TYW1: variants seen among roughly 807,000 people sequenced by gnomAD.
TYW1 encodes the protein tRNA-yW synthesizing protein 1 homolog.
TYW1 carries 46 observed loss-of-function variants against 96.2 expected under a neutral mutation model. The observed-to-expected ratio is 0.48, with a 90% CI of 0.38 to 0.61. TYW1 has a LOEUF of 0.61. Ranked by LOEUF, TYW1 falls within the 20% of genes least tolerant of loss-of-function variation. The pLI, the probability that TYW1 is intolerant of heterozygous loss-of-function variation, is 0.00. For synonymous variants in TYW1, 274 were observed against 323.0 expected (o/e 0.85, Z 1.63); for missense variants, 684 against 909.6 (o/e 0.75, Z 3.19).
At chr7:67,196,388 C>T (rs1023310059) in intron 15 of TYW1, among the ~76,000 whole-genome samples, 4 of 152,010 alleles carry the variant, frequency 2.6e-5, no homozygotes, top group Non-Finnish European at 5.9e-5. Flanking sequence ...TTCCTGTGGG[C>T]GTGTGTCTGT....
At chr7:67,178,399 C>A (rs530734454) in intron 13 of TYW1, among the ~76,000 whole-genome samples, 3 of 152,150 alleles carry the variant, frequency 2.0e-5, no homozygotes, top group Non-Finnish European at 4.4e-5. Flanking sequence ...TTGCAAACAT[C>A]GAATTCAGTG....
chr7:67,180,424 A>ATAT (rs1341437613), intron 13 of TYW1, among the ~76,000 whole-genome samples: 2 of 81,922 alleles, frequency 2.4e-5, no homozygotes, highest in Non-Finnish European at 5.4e-5. Context: ...ATATATATAT[A>ATAT]ATTTTTTTTT....
intron 7 of TYW1, among the ~76,000 whole-genome samples, chr7:67,047,882 G>A (rs1239386753): frequency 6.7e-6 from 1 of 148,686 alleles, no homozygotes; most frequent in Non-Finnish European, 1.5e-5. Flanking sequence ...CCGCCTCCCG[G>A]GTTCAAGTGA....
intron 15 of TYW1, among the ~76,000 whole-genome samples, chr7:67,210,723 G>GTTCCA (rs1800976049): frequency 6.7e-6 from 1 of 149,914 alleles, no homozygotes; most frequent in African/African-American, 2.5e-5. Flanking sequence ...TCATCTGTAT[G>GTTCCA]TCCATCAGTC....
intron 15 of TYW1, among the ~76,000 whole-genome samples, chr7:67,208,378 G>A (rs1055757864): frequency 1.1e-4 from 17 of 151,688 alleles, no homozygotes; most frequent in Non-Finnish European, 1.2e-4. Flanking sequence ...AATCCAAAAT[G>A]TAAAGTGATT....
chr7:67,067,458 A>C, intron 10 of TYW1, 55 bp downstream of exon 10: 1 of 1,594,258 alleles, frequency 6.3e-7, no homozygotes, highest in Non-Finnish European at 8.6e-7. Flanking sequence ...TGTGGTAATC[A>C]ATCTGCCCAG....
chr7:67,084,059 G>A (rs1796466077), intron 11 of TYW1, among the ~76,000 whole-genome samples: 1 of 152,142 alleles, frequency 6.6e-6, no homozygotes, highest in East Asian at 1.9e-4. Flanking sequence ...TAAATAAAAA[G>A]TTTAGCAACT....
intron 9 of TYW1, 35 bp from the exon 10 acceptor site, chr7:67,067,250 T>C (rs764742550): frequency 2.5e-5 from 40 of 1,609,374 alleles, no homozygotes; most frequent in Non-Finnish European, 3.1e-5. Flanking sequence ...GCTTTGACAA[T>C]TTTATTCAAA....
intron 14 of TYW1, 122 bp from the exon 15 acceptor site, chr7:67,195,048 C>T (rs1800344472): frequency 8.8e-7 from 1 of 1,133,926 alleles, no homozygotes; most frequent in Non-Finnish European, 1.2e-6. Context: ...ACTTCCTTCA[C>T]TGTAAAATAC....
intron 15 of TYW1, among the ~76,000 whole-genome samples, chr7:67,208,562 T>C (rs2116385114): frequency 6.6e-6 from 1 of 151,888 alleles, no homozygotes; most frequent in South Asian, 2.1e-4. Context: ...TGGTGGCGCG[T>C]GCCTGTAGTC....
chr7:67,139,313 A>G (rs1398389329), intron 13 of TYW1, among the ~76,000 whole-genome samples: 1 of 152,192 alleles, frequency 6.6e-6, no homozygotes, highest in Non-Finnish European at 1.5e-5. Flanking sequence ...TGGCCTCCCA[A>G]AGTGCTGGGA....
intron 8 of TYW1, among the ~76,000 whole-genome samples, chr7:67,053,021 T>G (rs1395429438): frequency 6.6e-6 from 1 of 151,806 alleles, no homozygotes; most frequent in Non-Finnish European, 1.5e-5. Flanking sequence ...GATTACAGGC[T>G]TGAGCCACGG....
chr7:67,220,300 T>C (rs1317629307), intron 15 of TYW1, among the ~76,000 whole-genome samples: 1 of 142,640 alleles, frequency 7.0e-6, no homozygotes, highest in African/African-American at 2.6e-5. Context: ...GCCTCCCGGG[T>C]TCATGCCATT....
In TYW1 at chr7:67,162,302, A is replaced by T. The variant is rs545785104; in HGVS notation, c.1699-20824A>T. ...GCACTCCAGCCTGGGTGACAGAGCAAGACTCTGTCTCAAAAAAAAAAAAAA... is the reference window on the plus strand; with the variant it reads ...GCACTCCAGCCTGGGTGACAGAGCATGACTCTGTCTCAAAAAAAAAAAAAA... On this transcript the variant is annotated intron_variant, in intron 13 of 15. Coordinates refer to ENST00000359626, the MANE Select transcript of TYW1 (RefSeq NM_018264.4). Among the ~76,000 whole-genome samples, 25 of 135,924 alleles carry T rather than the reference A, an allele frequency of 1.8e-4. No individual in the cohort carries two copies. In the East Asian group the frequency reaches 5.4e-3, roughly 29 times the overall value. 89.2% of individuals were successfully genotyped at this position (135,924 alleles called of 152,430 possible).
Position 67,087,225 on chromosome 7 carries a change from C to T in TYW1, c.1384+3686C>T, listed in dbSNP as rs370201873. On this transcript the variant is annotated intron_variant, in intron 11 of 15. Transcript: ENST00000359626. ...TTAATAAAATGTGTTAGGTGAGTTC[C>T]GTGAGCACGTGTTTTTCATTGTCTG... Among the ~76,000 whole-genome samples the T allele has an allele frequency of 7.8e-4, 118 of 152,218 alleles. 2 individuals carry two copies. The South Asian group carries it at 0.024, about 31-fold the overall frequency.
Position 67,079,721 on chromosome 7 carries a change from G to A in TYW1, c.1275-3709G>A, listed in dbSNP as rs187613134. ...GAAATGATTCTACATTTTTGATATA[G>A]TTGTTTATTATTATAAACTTCCCTC... On this transcript the variant is annotated intron_variant, in intron 10 of 15. Coordinates refer to ENST00000359626, the MANE Select transcript of TYW1 (RefSeq NM_018264.4). Among the ~76,000 whole-genome samples the A allele has an allele frequency of 9.8e-3, 1,488 of 152,074 alleles. 13 individuals carry two copies. The highest frequency in any genetic ancestry group is 0.015 in the Non-Finnish European group (1,043 of 67,990).
intron 14 of TYW1, among the ~76,000 whole-genome samples, chr7:67,189,499 G>C (rs1164322827): frequency 6.6e-6 from 1 of 151,154 alleles, no homozygotes; most frequent in African/African-American, 2.4e-5. Flanking sequence ...GTCAGATCTG[G>C]GGTCTCCCAT....
At position 67,090,501 on chromosome 7, in the gene TYW1, G is replaced by A. The variant is rs140350677; in HGVS notation, c.1384+6962G>A. On this transcript the variant is annotated intron_variant, in intron 11 of 15. Transcript: ENST00000359626. Reference sequence around the variant, plus strand: ...GTCATCTTTCAATGAGATGAAGTCCGCTTGTTAGTTACTCTGCTGACTGTA... The same window carrying A: ...GTCATCTTTCAATGAGATGAAGTCCACTTGTTAGTTACTCTGCTGACTGTA... 6.6e-3 allele frequency among the ~76,000 whole-genome samples: 1,009 copies of A among 152,252 alleles called. 9 individuals carry two copies. Among genetic ancestry groups the A allele is most frequent in the African/African-American group, 0.023 (943 of 41,534 alleles).
At chr7:67,154,328 T>C (rs138425968) in intron 13 of TYW1, among the ~76,000 whole-genome samples, 1 of 152,370 alleles carries the variant, frequency 6.6e-6, no homozygotes, top group East Asian at 1.9e-4. Context: ...TTTATGATGG[T>C]AGATACCATT....
Sources: allele counts gnomAD v4.1 joint callset (sites outside exome capture counted in the v4.1 genomes callset), GRCh38; gene constraint gnomAD v4.1.1; transcripts MANE v1.5; gene names NCBI Gene and HGNC (gene_info 2026-07-23, HGNC 2026-07-21).